The following ECE1 variants were observed in gnomAD, a reference collection of about 807,000 sequenced individuals.
The protein encoded by ECE1 is endothelin-converting enzyme 1.
In ECE1, 35 loss-of-function variants were observed where a neutral mutation model predicts 98.6. The ratio of observed to expected loss-of-function variants is 0.35; its 90% CI spans 0.27 to 0.47. The LOEUF (loss-of-function observed/expected upper bound fraction) is 0.47, where lower values mean the gene tolerates loss of function less well. Among genes scored for constraint, ECE1 ranks in the 20% least tolerant of loss-of-function variants. ECE1 has a pLI of 1.00. For synonymous variants in ECE1, 394 were observed against 407.1 expected (o/e 0.97, Z 0.39); for missense variants, 814 against 1,025.3 (o/e 0.79, Z 2.81).
chr1:21,310,044 C>T (rs1638684083), intron 1 of ECE1, among the ~76,000 whole-genome samples: 1 of 152,174 alleles, frequency 6.6e-6, no homozygotes, highest in Non-Finnish European at 1.5e-5. Context: ...ATCCACCCGC[C>T]TCGGCCTCCC....
chr1:21,337,947 G>A (rs1228587060), intron 1 of ECE1, among the ~76,000 whole-genome samples: 2 of 152,206 alleles, frequency 1.3e-5, no homozygotes, highest in South Asian at 2.1e-4. Context: ...GCCAGTCCTC[G>A]CCCCTCGCCC....
intron 15 of ECE1, 63 bp from the exon 16 acceptor site, chr1:21,227,289 A>G: frequency 6.6e-7 from 1 of 1,509,274 alleles, no homozygotes. Context: ...ACTCTTGCTC[A>G]GGTATGTGAC....
chr1:21,295,577 G>T (rs1470105430), intron 1 of ECE1, among the ~76,000 whole-genome samples: 1 of 152,122 alleles, frequency 6.6e-6, no homozygotes, highest in Non-Finnish European at 1.5e-5. Flanking sequence ...TTAATAACAG[G>T]AATCAGCTTG....
At chr1:21,273,059 C>G in intron 3 of ECE1, 148 bp from the exon 4 acceptor site, 6 of 810,822 alleles carry the variant, frequency 7.4e-6, no homozygotes, top group Non-Finnish European at 1.2e-5. Context: ...TAGACCCCTA[C>G]AGAGAAATGA....
At chr1:21,314,270 G>T (rs1237013412) in intron 1 of ECE1, among the ~76,000 whole-genome samples, 4 of 152,152 alleles carry the variant, frequency 2.6e-5, no homozygotes, top group Non-Finnish European at 4.4e-5. Context: ...TGGGAGTTCT[G>T]GGAAGGGGGC....
intron 1 of ECE1, among the ~76,000 whole-genome samples, chr1:21,328,849 G>A (rs1042779494): frequency 8.6e-5 from 13 of 151,328 alleles, no homozygotes; most frequent in African/African-American, 1.5e-4. Flanking sequence ...CACAGGCCTC[G>A]GCTGCTGAGG....
chr1:21,302,416 C>T (rs1569709292), intron 1 of ECE1, among the ~76,000 whole-genome samples: 1 of 152,210 alleles, frequency 6.6e-6, no homozygotes, highest in Admixed American at 6.5e-5. Flanking sequence ...ATTGGTGAAA[C>T]GGTGATGATA....
In ECE1 at chr1:21,275,361, G is replaced by A. The variant is rs147746745; in HGVS notation, c.281-2450C>T. On this transcript the variant is annotated intron_variant, in intron 3 of 18. Transcript: ENST00000374893. ...TGTAATCCCAGCACTCTGGGAGGCC[G>A]AGGTGGGCGGATCACCTGAGGTCAG... is the stretch of plus-strand genomic sequence containing the variant. Among the ~76,000 whole-genome samples, 73 of 152,298 alleles carry A rather than the reference G, an allele frequency of 4.8e-4. 1 individual carries two copies. In the East Asian group the frequency reaches 0.011, roughly 23 times the overall value.
rs367795817 is a variant in ECE1, at chr1:21,301,546, T to G, written c.4-11390A>C. ...AAAAGCCAATTCATGCTGGGTGCAG[T>G]GGCTCACACCTATAATCCCAGCACT... On this transcript the variant is annotated intron_variant, in intron 1 of 18. Coordinates refer to the ECE1 transcript ENST00000415912. Among the ~76,000 whole-genome samples, 33 of 152,008 alleles carry G rather than the reference T, an allele frequency of 2.2e-4. No homozygotes were observed. In the South Asian group the frequency reaches 6.9e-3, roughly 32 times the overall value.
intron 1 of ECE1, among the ~76,000 whole-genome samples, chr1:21,302,025 C>T (rs1638496479): frequency 6.6e-6 from 1 of 152,084 alleles, no homozygotes; most frequent in Non-Finnish European, 1.5e-5. Flanking sequence ...TCACTAGGCT[C>T]CCCTGATGTG....
intron 1 of ECE1, among the ~76,000 whole-genome samples, chr1:21,317,773 T>C (rs994033939): frequency 6.6e-6 from 1 of 152,036 alleles, no homozygotes; most frequent in African/African-American, 2.4e-5. Flanking sequence ...TCCAAACAGA[T>C]CCTCTGGAGA....
intron 10 of ECE1, among the ~76,000 whole-genome samples, chr1:21,244,048 T>C (rs892699989): frequency 1.3e-5 from 2 of 152,176 alleles, no homozygotes; most frequent in African/African-American, 2.4e-5. Context: ...CTCATCTGGA[T>C]TGGACTCTGG....
At chr1:21,278,779 C>A (rs1055676337) in intron 3 of ECE1, among the ~76,000 whole-genome samples, 4 of 152,162 alleles carry the variant, frequency 2.6e-5, no homozygotes, top group African/African-American at 7.2e-5. Context: ...TGTGTAATTA[C>A]CCCACATTCT....
At position 21,256,014 on chromosome 1, in the gene ECE1, G is replaced by A. The variant is rs746759831; in HGVS notation, c.953C>T (p.Thr318Ile). ...ATCACGGCGCTTCTCCTGTGGGATG[G>A]TGATGTTGGCCAGTGCCGTCTCAAA... Reference protein sequence around the residue: ...LDFETALANITIPQEKRRDEE... With the variant: ...LDFETALANIIIPQEKRRDEE... Residue 318 changes from threonine to isoleucine, a missense_variant, in exon 8 of 19, where the codon ACC becomes ATC. Transcript: ENST00000374893. 1.2e-5 allele frequency: 20 copies of A among 1,614,038 alleles called. No individual in the cohort carries two copies. The highest frequency in any genetic ancestry group is 1.7e-5 in the Non-Finnish European group (20 of 1,179,846).
intron 1 of ECE1, among the ~76,000 whole-genome samples, chr1:21,309,577 C>T (rs1038067772): frequency 6.6e-5 from 10 of 152,190 alleles, no homozygotes; most frequent in Non-Finnish European, 1.2e-4. Context: ...GACATCAGCA[C>T]CTGCCATTGT....
intron 1 of ECE1, among the ~76,000 whole-genome samples, chr1:21,300,440 C>CTT (rs879441797): frequency 6.8e-6 from 1 of 147,218 alleles, no homozygotes; most frequent in East Asian, 2.0e-4. Flanking sequence ...CCCTGAATGA[C>CTT]TTTTTTTTTT....
In ECE1 at chr1:21,219,756, G is replaced by T; in HGVS notation, c.*199C>A. On this transcript the variant is annotated 3_prime_UTR_variant, in exon 19 of 19. Coordinates refer to ENST00000374893, the MANE Select transcript of ECE1 (RefSeq NM_001397.3). The surrounding 1 kb of genome is among the most constrained non-coding windows in gnomAD (Gnocchi z 4.5). Reference sequence around the variant, plus strand: ...GGTGGCGCACACGTGTGCCTGGGATGTCCGGCTCTTCACAGGGGATCAGAC... The same window carrying T: ...GGTGGCGCACACGTGTGCCTGGGATTTCCGGCTCTTCACAGGGGATCAGAC... 1.5e-6 allele frequency: 1 copy of T among 669,004 alleles called. No individual in the cohort carries two copies. Among genetic ancestry groups the T allele is most frequent in the Non-Finnish European group, 2.6e-6 (1 of 386,594 alleles). The allele number at this position is 669,004 out of a possible 1,614,324, so 41.4% of individuals were successfully genotyped here. A position where few individuals can be genotyped will look rare whatever the true frequency, so the allele number is the denominator to read the frequency against.
At chr1:21,328,820 C>T (rs213035) in intron 1 of ECE1, among the ~76,000 whole-genome samples, 15,187 of 150,000 alleles carry the variant, frequency 0.1, 1,028 homozygotes, top group East Asian at 0.37. Context: ...AAAGCAACCA[C>T]GTTGGGTATT....
intron 1 of ECE1, among the ~76,000 whole-genome samples, chr1:21,313,576 G>C (rs1259734688): frequency 5.3e-5 from 8 of 152,132 alleles, no homozygotes; most frequent in Admixed American, 5.2e-4. Context: ...GGGGGAGCAG[G>C]GGGCTGAGCA....
Sources: gnomAD v4.1 joint callset for allele counts (sites outside exome capture counted in the v4.1 genomes callset) on GRCh38, gnomAD v4.1.1 for gene constraint, Gnocchi (gnomAD v3.1) non-coding constraint, MANE v1.5 for transcripts, NCBI Gene and HGNC (gene_info 2026-07-23, HGNC 2026-07-21) for gene names.